SMAD5: variants seen among roughly 807,000 people sequenced by gnomAD.
SMAD5 encodes the protein SMAD family member 5.
SMAD5 carries 9 observed loss-of-function variants against 43.1 expected under a neutral mutation model. The observed-to-expected ratio is 0.21, with a 90% confidence interval of 0.13 to 0.36. SMAD5 has a LOEUF of 0.36. Among genes scored for constraint, SMAD5 ranks in the 10% least tolerant of loss-of-function variants. The pLI is 1.00. For synonymous variants in SMAD5, 190 were observed against 192.4 expected (o/e 0.99, Z 0.10); for missense variants, 348 against 574.0 (o/e 0.61, Z 4.02).
intron 7 of SMAD5, 117 bp downstream of exon 7, chr5:136,174,749 A>T: frequency 1.5e-6 from 1 of 671,770 alleles, no homozygotes. Flanking sequence ...GCCTGATTTA[A>T]CAGGTTTTTA....
At chr5:136,159,783 A>G (rs945834101) in intron 3 of SMAD5, among the ~76,000 whole-genome samples, 2 of 152,250 alleles carry the variant, frequency 1.3e-5, no homozygotes, top group African/African-American at 4.8e-5. Flanking sequence ...ATGAAATGAA[A>G]CAATAGACAA....
At chr5:136,153,341 A>G (rs780650357) in intron 2 of SMAD5, among the ~76,000 whole-genome samples, 4 of 152,120 alleles carry the variant, frequency 2.6e-5, no homozygotes, top group Non-Finnish European at 4.4e-5. Context: ...TTTTTGGATA[A>G]TACATAGGAG....
At position 136,156,407 on chromosome 5, in the gene SMAD5, G is replaced by C. The variant is rs567118414; in HGVS notation, c.403+2244G>C. ...ACAGTGGTTACCTTAGAGTCTATCT[G>C]GGTTTCACGTGGAGATGTGTGGTAA... On this transcript the variant is annotated intron_variant, in intron 3 of 7. Coordinates refer to ENST00000545279, the MANE Select transcript of SMAD5 (RefSeq NM_005903.7). Among the ~76,000 whole-genome samples the C allele has an allele frequency of 4.6e-5, 7 of 152,258 alleles. No homozygotes were observed. The South Asian group carries it at 1.5e-3, about 32-fold the overall frequency.
chr5:136,153,478 T>C, intron 2 of SMAD5, 114 bp from the exon 3 acceptor site: 1 of 247,458 alleles, frequency 4.0e-6, no homozygotes, highest in Non-Finnish European at 7.7e-6. Flanking sequence ...TTTTGTTTAC[T>C]TTGTAATGCT....
intron 1 of SMAD5, among the ~76,000 whole-genome samples, chr5:136,139,397 A>C (rs752636869): frequency 6.6e-6 from 1 of 152,054 alleles, no homozygotes; most frequent in Non-Finnish European, 1.5e-5. Flanking sequence ...ATCTTCCTTT[A>C]GCTTTCTTAT....
chr5:136,145,573 T>G (rs1266220081), intron 1 of SMAD5, among the ~76,000 whole-genome samples: 1 of 152,000 alleles, frequency 6.6e-6, no homozygotes, highest in African/African-American at 2.4e-5. Flanking sequence ...ATGCGGACTC[T>G]TAAAGTACAT....
Position 136,181,996 on chromosome 5 carries a change from T to C in SMAD5, c.*4516T>C, listed in dbSNP as rs1261914508. 1 of 152,216 alleles carries C rather than the reference T, an allele frequency of 6.6e-6. No homozygotes were observed. The highest frequency in any genetic ancestry group is 1.5e-5 in the Non-Finnish European group (1 of 68,032). 9.4% of individuals were successfully genotyped at this position (152,216 alleles called of 1,614,324 possible). A position where few individuals can be genotyped will look rare whatever the true frequency, so the allele number is the denominator to read the frequency against. On this transcript the variant is annotated 3_prime_UTR_variant, in exon 8 of 8. Coordinates refer to ENST00000545279, the MANE Select transcript of SMAD5 (RefSeq NM_005903.7). ...TAGAGCAGGATTCTTCGATCATTCA[T>C]GGCAGAGTGAAAAAGGTTTGTATGG... is the stretch of plus-strand genomic sequence containing the variant.
chr5:136,177,267 T>C (rs972732785), intron 7 of SMAD5, 70 bp from the exon 8 acceptor site: 23 of 1,332,700 alleles, frequency 1.7e-5, no homozygotes, highest in South Asian at 8.3e-5. Context: ...CTTTTTCTTA[T>C]GGTAAAATTG....
intron 1 of SMAD5, among the ~76,000 whole-genome samples, chr5:136,135,972 C>T (rs1012217344): frequency 3.3e-5 from 5 of 152,176 alleles, no homozygotes; most frequent in Non-Finnish European, 7.3e-5. Flanking sequence ...GGGTCAAAGA[C>T]ATTGAGTAAG....
Position 136,179,685 on chromosome 5 carries a change from T to A in SMAD5, c.*2205T>A, listed in dbSNP as rs1580809486. ...TAAGTATTACATGACATGCATTCTG[T>A]TTCTTCCAGAGTTCTGTCTGCCACA... On this transcript the variant is annotated 3_prime_UTR_variant, in exon 8 of 8. Coordinates refer to ENST00000545279, the MANE Select transcript of SMAD5 (RefSeq NM_005903.7). The A allele has an allele frequency of 6.6e-6, 1 of 152,328 alleles. No individual in the cohort carries two copies. The highest frequency in any genetic ancestry group is 1.9e-4 in the East Asian group (1 of 5,190). 9.4% of individuals were successfully genotyped at this position (152,328 alleles called of 1,614,324 possible).
intron 3 of SMAD5, among the ~76,000 whole-genome samples, chr5:136,157,647 C>T (rs1432980607): frequency 1.3e-5 from 2 of 152,062 alleles, no homozygotes; most frequent in African/African-American, 4.8e-5. Context: ...GTGCAGTTGG[C>T]GATAGGATTT....
intron 1 of SMAD5, among the ~76,000 whole-genome samples, chr5:136,136,927 C>T (rs1300979530): frequency 6.6e-6 from 1 of 152,044 alleles, no homozygotes; most frequent in Non-Finnish European, 1.5e-5. Flanking sequence ...GAACTTCTGA[C>T]CTCAAGTGAT....
chr5:136,161,094 A>G lies in SMAD5; in HGVS notation c.642A>G (p.Pro214=). The change falls in exon 4 of 8, where the codon CCA becomes CCG. Residue 214 remains proline (P), a synonymous_variant. Transcript: ENST00000545279. ...NSPASSGPGS[P]FQLPADTPPP... is the part of the protein sequence containing the mutation. Reference sequence around the variant, plus strand: ...CAGCAAGTTCTGGACCAGGAAGTCCATTTCAGCTCCCAGGTAAGACTTTAT... The same window carrying G: ...CAGCAAGTTCTGGACCAGGAAGTCCGTTTCAGCTCCCAGGTAAGACTTTAT... The G allele has an allele frequency of 1.2e-6, 2 of 1,613,346 alleles. No homozygotes were observed. The highest frequency in any genetic ancestry group is 8.5e-7 in the Non-Finnish European group (1 of 1,179,734).
chr5:136,177,196 T>G (rs1754450275), intron 7 of SMAD5, 141 bp from the exon 8 acceptor site: 1 of 672,282 alleles, frequency 1.5e-6, no homozygotes, highest in Non-Finnish European at 2.6e-6. Context: ...ATACTAAGAC[T>G]GGTTTTGTGA....
intron 1 of SMAD5, among the ~76,000 whole-genome samples, chr5:136,142,881 T>C (rs1165390766): frequency 6.6e-6 from 1 of 152,150 alleles, no homozygotes. Flanking sequence ...TTTTTTCCAT[T>C]ACTCTCTAAG....
At chr5:136,165,676 T>A (rs1305924681) in intron 5 of SMAD5, among the ~76,000 whole-genome samples, 2,019 of 132,360 alleles carry the variant, frequency 0.015, 170 homozygotes, top group African/African-American at 0.055. Flanking sequence ...TTTTTTTTTT[T>A]TTTTTTTTTT....
intron 5 of SMAD5, among the ~76,000 whole-genome samples, chr5:136,164,068 C>T (rs1315213506): frequency 1.3e-5 from 2 of 152,222 alleles, no homozygotes; most frequent in African/African-American, 2.4e-5. Context: ...TGGCAGATGC[C>T]TGTAATCCCA....
chr5:136,143,662 G>C (rs888103922), intron 1 of SMAD5, among the ~76,000 whole-genome samples: 1 of 151,658 alleles, frequency 6.6e-6, no homozygotes, highest in African/African-American at 2.4e-5. Context: ...ATGATAGATT[G>C]TTATATTTCT....
At chr5:136,152,401 T>G (rs1391763361) in intron 2 of SMAD5, among the ~76,000 whole-genome samples, 1 of 152,188 alleles carries the variant, frequency 6.6e-6, no homozygotes, top group Non-Finnish European at 1.5e-5. Flanking sequence ...GTTTACATTA[T>G]CTTTATTTAC....
Sources: allele counts gnomAD v4.1 joint callset (sites outside exome capture counted in the v4.1 genomes callset), GRCh38; gene constraint gnomAD v4.1.1; transcripts MANE v1.5; gene names NCBI Gene and HGNC (gene_info 2026-07-23, HGNC 2026-07-21).